Variants in CELSR2 observed in about 807,000 individuals in gnomAD.
CELSR2 encodes cadherin EGF LAG seven-pass G-type receptor 2.
CELSR2 carries 81 observed loss-of-function variants against 251.6 expected under a neutral mutation model. The ratio of observed to expected loss-of-function variants is 0.32; its 90% CI spans 0.27 to 0.39. The LOEUF is 0.39. Ranked by LOEUF, CELSR2 falls within the 10% of genes least tolerant of loss-of-function variation. The pLI is 1.00. For missense variants in CELSR2, 3,365 were observed against 3,947.7 expected (o/e 0.85, Z 3.96); for synonymous variants, 1,721 against 1,670.5 (o/e 1.03, Z -0.74).
intron 1 of CELSR2, among the ~76,000 whole-genome samples, chr1:109,256,849 G>A (rs927912568): frequency 6.6e-6 from 1 of 152,052 alleles, no homozygotes; most frequent in African/African-American, 2.4e-5. Flanking sequence ...TAGTAGAGAC[G>A]GGGTTTCACC....
chr1:109,270,262 TTCC>T, intron 23 of CELSR2, 129 bp downstream of exon 23: 10 of 1,279,416 alleles, frequency 7.8e-6, no homozygotes, highest in Non-Finnish European at 1.1e-5. Context: ...GGCCCAGGGT[TTCC>T]TCTTCTGTGG....
chr1:109,258,352 C>A, intron 1 of CELSR2, 80 bp from the exon 2 acceptor site: 2 of 1,018,466 alleles, frequency 2.0e-6, no homozygotes, highest in Non-Finnish European at 2.8e-6. Flanking sequence ...GAAAGGAGAG[C>A]CTTTCTTGGT....
chr1:109,257,334 CAG>C (rs1205297253), intron 1 of CELSR2, among the ~76,000 whole-genome samples: 3 of 145,804 alleles, frequency 2.1e-5, no homozygotes, highest in East Asian at 2.0e-4. Flanking sequence ...GTGTAGGCGA[CAG>C]AGAGTCTGTC....
rs147986274 is a variant in CELSR2, at chr1:109,250,811, C to T, written c.732C>T (p.Ala244=). The T allele has an allele frequency of 6.5e-4, 1,056 of 1,614,058 alleles. 5 individuals are homozygous for T. The highest frequency in any genetic ancestry group is 5.1e-3 in the Middle Eastern group (31 of 6,062). ...LDPVTGAVTT[A]EELDRETKST... ...CAGTCACTGGTGCAGTAACCACAGC[C>T]GAGGAGCTGGATCGTGAGACCAAGA... Residue 244 remains alanine (A), a synonymous_variant, in exon 1 of 34, where the codon GCC becomes GCT. Coordinates refer to ENST00000271332, the MANE Select transcript of CELSR2 (RefSeq NM_001408.3). This position sits in a 1 kb window ranked among gnomAD's most constrained non-coding sequence, Gnocchi z 4.4.
In CELSR2 at chr1:109,251,619, G is replaced by A. The variant is rs752642436; in HGVS notation, c.1540G>A (p.Val514Ile). 1.2e-6 allele frequency: 2 copies of A among 1,613,870 alleles called. No homozygotes were observed. The highest frequency in any genetic ancestry group is 1.1e-5 in the South Asian group (1 of 91,064). ...IFVSTPFQAT[V>I]LESVPLGYLV... ...CGTCAGCACCCCTTTCCAGGCTACT[G>A]TCCTGGAGAGTGTCCCCTTAGGCTA... Residue 514 changes from valine (V) to isoleucine (I), a missense_variant, in exon 1 of 34, where the codon GTC becomes ATC. Transcript: ENST00000271332. The surrounding 1 kb of genome is among the most constrained non-coding windows in gnomAD (Gnocchi z 4.9).
rs768176557 is a variant in CELSR2, at chr1:109,251,331, G to A, written c.1252G>A (p.Val418Ile). 3 of 1,614,052 alleles carry A rather than the reference G, an allele frequency of 1.9e-6. No individual in the cohort carries two copies. Among genetic ancestry groups the A allele is most frequent in the East Asian group, 4.5e-5 (2 of 44,888 alleles). Residue 418 changes from valine (V) to isoleucine (I), a missense_variant, in exon 1 of 34, where the codon GTA (valine) becomes ATA (isoleucine). Val to Ile is a conservative substitution (Grantham distance 29). Coordinates refer to ENST00000271332, the MANE Select transcript of CELSR2 (RefSeq NM_001408.3). This position sits in a 1 kb window ranked among gnomAD's most constrained non-coding sequence, Gnocchi z 4.9. ...VREDVTPGAP[V>I]LRVTASDRDK... ...GGAGGATGTGACTCCAGGGGCCCCA[G>A]TACTCCGAGTCACAGCCTCGGATCG...
rs779708738 is a variant in CELSR2 at position 109,262,980 on chromosome 1, C to T, written c.4708+11C>T. Reference sequence around the variant, plus strand: ...ATGGCACCGTGCCTGGTATGGGGGCCCGGGGTGGAGCCAGGCTGGGATCCC... The same window carrying T: ...ATGGCACCGTGCCTGGTATGGGGGCTCGGGGTGGAGCCAGGCTGGGATCCC... On this transcript the variant is annotated intron_variant, in intron 7 of 33. Coordinates refer to ENST00000271332, the MANE Select transcript of CELSR2 (RefSeq NM_001408.3). 34 of 1,608,674 alleles carry T rather than the reference C, an allele frequency of 2.1e-5. No homozygotes were observed. The highest frequency in any genetic ancestry group is 5.5e-5 in the South Asian group (5 of 90,942).
At position 109,251,918 on chromosome 1, in the gene CELSR2, A is replaced by G. The variant is rs1332504240; in HGVS notation, c.1839A>G (p.Pro613=). ...VNDNNPTFTQ[P]EYTVRLNEDA... is the part of the protein sequence containing the mutation. ...ACAACAATCCAACCTTTACCCAACC[A>G]GAGTACACAGTGCGGCTCAATGAGG... Residue 613 remains proline (P), a synonymous_variant, in exon 1 of 34, where the codon CCA becomes CCG. Coordinates refer to ENST00000271332, the MANE Select transcript of CELSR2 (RefSeq NM_001408.3). This position sits in a 1 kb window ranked among gnomAD's most constrained non-coding sequence, Gnocchi z 4.9. 4 of 1,614,086 alleles carry G rather than the reference A, an allele frequency of 2.5e-6. No homozygotes were observed. Among genetic ancestry groups the G allele is most frequent in the South Asian group, 1.1e-5 (1 of 91,082 alleles).
At chr1:109,257,590 G>A (rs550035991) in intron 1 of CELSR2, among the ~76,000 whole-genome samples, 85 of 152,300 alleles carry the variant, frequency 5.6e-4, no homozygotes, top group Non-Finnish European at 6.2e-4. Context: ...GCATTTGGGT[G>A]TAATGGTTGA....
At position 109,258,667 on chromosome 1, in the gene CELSR2, C is replaced by A; in HGVS notation, c.3546C>A (p.Asn1182Lys). The stretch of plus-strand genomic sequence containing the variant: ...ACGCCCCCGGGGGCCACATCCTCAA[C>A]GTGAGCCTGTCGGTGGGCCAGCCGC... ...DTDAPGGHIL[N>K]VSLSVGQPPG... Residue 1182 changes from asparagine to lysine, a missense_variant, in exon 2 of 34, where the codon AAC becomes AAA. Physicochemically the swap from Asn to Lys is moderately conservative, Grantham distance 94. Transcript: ENST00000271332. 1 of 1,548,704 alleles carries A rather than the reference C, an allele frequency of 6.5e-7. No individual in the cohort carries two copies. The highest frequency in any genetic ancestry group is 8.7e-7 in the Non-Finnish European group (1 of 1,145,460).
Position 109,251,381 on chromosome 1 carries a change from G to T in CELSR2, c.1302G>T (p.Val434=). The change falls in exon 1 of 34, where the codon GTG becomes GTT. Residue 434 remains valine, a synonymous_variant. Coordinates refer to ENST00000271332, the MANE Select transcript of CELSR2 (RefSeq NM_001408.3). This position sits in a 1 kb window ranked among gnomAD's most constrained non-coding sequence, Gnocchi z 4.9. ...GAGACAAGGGGAGCAATGCCGTGGTGCACTATAGCATCATGAGTGGCAATG... is the reference window on the plus strand; with the variant it reads ...GAGACAAGGGGAGCAATGCCGTGGTTCACTATAGCATCATGAGTGGCAATG... ...SDRDKGSNAV[V]HYSIMSGNAR... 1.2e-6 allele frequency: 2 copies of T among 1,614,076 alleles called. No homozygotes were observed. The highest frequency in any genetic ancestry group is 2.2e-5 in the South Asian group (2 of 91,082).
rs1187884286 is a variant in CELSR2 at position 109,275,503 on chromosome 1, C to G, written c.*1454C>G. 6.7e-6 allele frequency: 1 copy of G among 150,152 alleles called. No homozygotes were observed. Among genetic ancestry groups the G allele is most frequent in the African/African-American group, 2.5e-5 (1 of 40,744 alleles). The allele number at this position is 150,152 out of a possible 1,614,324, so 9.3% of individuals were successfully genotyped here. ...GGCTCCTGTTTCTCATTTGTGAGGC[C>G]AGCCTCTGGCTTTTCTGCCGTGGAT... On this transcript the variant is annotated 3_prime_UTR_variant, in exon 34 of 34. Transcript: ENST00000271332.
intron 23 of CELSR2, 88 bp downstream of exon 23, chr1:109,270,221 G>A (rs1557736593): frequency 3.5e-6 from 5 of 1,433,490 alleles, no homozygotes; most frequent in East Asian, 2.3e-5. Flanking sequence ...CCTGCACCAT[G>A]AACTCTAATA....
In CELSR2 at chr1:109,273,169, G is replaced by C; in HGVS notation, c.8342G>C (p.Gly2781Ala). The change falls in exon 32 of 34, where the codon GGG becomes GCG. Residue 2781 changes from glycine (G) to alanine (A), a missense_variant. This residue lies in a region of CELSR2 where 2,093 missense variants were observed against 2,382.8 expected (regional missense o/e 0.88). Coordinates refer to ENST00000271332, the MANE Select transcript of CELSR2 (RefSeq NM_001408.3). ...ATCTACTTCCTTTCCCCACCAGATG[G>C]GGGCCCAGGGCCTGGCAAGGCCCCC... ...RLPLHSTPKD[G>A]GPGPGKAPWP... 1.2e-6 allele frequency: 2 copies of C among 1,612,474 alleles called. No homozygotes were observed. Among genetic ancestry groups the C allele is most frequent in the Non-Finnish European group, 1.7e-6 (2 of 1,179,518 alleles).
Position 109,252,745 on chromosome 1 carries a change from T to C in CELSR2, c.2666T>C (p.Leu889Ser). ...CGAGAGAACGTGGCCCAGTATGTCT[T>C]GCGGGCATATGCAGTGGACAAGGGG... ...LDRENVAQYV[L>S]RAYAVDKGMP... The change falls in exon 1 of 34, where the codon TTG (leucine) becomes TCG (serine). Residue 889 changes from leucine to serine, a missense_variant. This residue lies in a region of CELSR2 where 505 missense variants were observed against 660.0 expected (regional missense o/e 0.77). Transcript: ENST00000271332. The surrounding 1 kb of genome is among the most constrained non-coding windows in gnomAD (Gnocchi z 4.8). The C allele has an allele frequency of 6.2e-7, 1 of 1,614,040 alleles. No individual in the cohort carries two copies. The highest frequency in any genetic ancestry group is 8.5e-7 in the Non-Finnish European group (1 of 1,180,036).
intron 15 of CELSR2, 81 bp from the exon 16 acceptor site, chr1:109,267,467 C>T (rs1208793946): frequency 4.6e-6 from 6 of 1,318,666 alleles, no homozygotes; most frequent in Non-Finnish European, 5.3e-6. Flanking sequence ...AGGTGCTGGC[C>T]TCCAGCAGAA....
At chr1:109,256,871 T>A (rs937923184) in intron 1 of CELSR2, among the ~76,000 whole-genome samples, 13 of 152,100 alleles carry the variant, frequency 8.5e-5, no homozygotes, top group African/African-American at 3.1e-4. Flanking sequence ...TGTTGGTCAG[T>A]CTGATCTCGA....
chr1:109,260,968 C>T (rs1656003336), intron 2 of CELSR2, 74 bp from the exon 3 acceptor site: 1 of 1,196,486 alleles, frequency 8.4e-7, no homozygotes, highest in Non-Finnish European at 1.2e-6. Flanking sequence ...GGAGCTATCA[C>T]TGGGTTGTGG....
Position 109,252,881 on chromosome 1 carries a change from C to T in CELSR2, c.2802C>T (p.Ser934=), listed in dbSNP as rs770126332. The T allele has an allele frequency of 1.2e-6, 2 of 1,612,772 alleles. No homozygotes were observed. The highest frequency in any genetic ancestry group is 1.7e-6 in the Non-Finnish European group (2 of 1,179,278). Residue 934 remains serine, a synonymous_variant, in exon 1 of 34, where the codon AGC becomes AGT. Transcript: ENST00000271332. This position sits in a 1 kb window ranked among gnomAD's most constrained non-coding sequence, Gnocchi z 4.8. ...DEFDVFVEEN[S]PIGLAVARVT... is the part of the protein sequence containing the mutation. ...TTGATGTGTTTGTGGAAGAGAACAG[C>T]CCCATTGGGCTAGCCGTGGCCCGGG...
Sources: gnomAD v4.1 joint callset for allele counts (sites outside exome capture counted in the v4.1 genomes callset) on GRCh38, gnomAD v4.1.1 for gene constraint, gnomAD v4.1.1 regional missense constraint, Gnocchi (gnomAD v3.1) non-coding constraint, MANE v1.5 for transcripts, NCBI Gene and HGNC (gene_info 2026-07-23, HGNC 2026-07-21) for gene names.